The following TNFRSF9 variants were observed in gnomAD, a reference collection of about 807,000 sequenced individuals.
TNFRSF9 encodes tumor necrosis factor receptor superfamily member 9.
Under a neutral mutation model 28.8 loss-of-function variants are expected in TNFRSF9, and 16 were observed. That is an observed-to-expected ratio of 0.55 (90% CI 0.38 to 0.84). The LOEUF (loss-of-function observed/expected upper bound fraction) is 0.84, where lower values mean the gene tolerates loss of function less well. TNFRSF9 is among the 40% of genes least tolerant of loss of function. The pLI, the probability that TNFRSF9 is intolerant of heterozygous loss-of-function variation, is 0.00. For missense variants in TNFRSF9, 303 were observed against 315.0 expected, an observed-to-expected ratio of 0.96 and a Z score of 0.29; for synonymous variants, 131 against 117.0, an observed-to-expected ratio of 1.12 and a Z score of -0.77.
At chr1:7,931,685 A>C (rs955988282) in intron 7 of TNFRSF9, among the ~76,000 whole-genome samples, 2 of 152,238 alleles carry the variant, frequency 1.3e-5, no homozygotes, top group African/African-American at 4.8e-5. Context: ...GGCTTCGGGA[A>C]TGAGTTATGT....
chr1:7,925,680 G>A (rs929167945), intron 7 of TNFRSF9, among the ~76,000 whole-genome samples: 8 of 152,184 alleles, frequency 5.3e-5, no homozygotes, highest in African/African-American at 1.4e-4. Flanking sequence ...CCCATCTGGG[G>A]GTGATGGGGA....
At chr1:7,932,094 G>A (rs1477446090) in intron 7 of TNFRSF9, among the ~76,000 whole-genome samples, 1 of 152,064 alleles carries the variant, frequency 6.6e-6, no homozygotes, top group African/African-American at 2.4e-5. Context: ...CCGGGATCAC[G>A]CCATTGCACT....
Position 7,917,805 on chromosome 1 carries a change from G to T in TNFRSF9, c.*3030C>A, listed in dbSNP as rs1002671906. On this transcript the variant is annotated 3_prime_UTR_variant, in exon 8 of 8. Coordinates refer to ENST00000377507, the MANE Select transcript of TNFRSF9 (RefSeq NM_001561.6). ...TCATGTCTGCAATTCCAGCACTTTGGAAGGCTGAGGTGGGAGGATCACTTG... is the reference window on the plus strand; with the variant it reads ...TCATGTCTGCAATTCCAGCACTTTGTAAGGCTGAGGTGGGAGGATCACTTG... 1.3e-5 allele frequency: 2 copies of T among 151,872 alleles called. No individual in the cohort carries two copies. Among genetic ancestry groups the T allele is most frequent in the African/African-American group, 4.8e-5 (2 of 41,324 alleles). The allele number at this position is 151,872 out of a possible 1,614,324, so 9.4% of individuals were successfully genotyped here.
intron 7 of TNFRSF9, among the ~76,000 whole-genome samples, chr1:7,931,404 C>CAAT (rs1639729234): frequency 6.6e-6 from 1 of 152,172 alleles, no homozygotes; most frequent in East Asian, 1.9e-4. Context: ...AATAGGTGAA[C>CAAT]AATGATGTCA....
chr1:7,927,202 C>T (rs1639668187), intron 7 of TNFRSF9, among the ~76,000 whole-genome samples: 1 of 152,166 alleles, frequency 6.6e-6, no homozygotes, highest in African/African-American at 2.4e-5. Context: ...CACTGCCCTG[C>T]CACCAAAAAG....
chr1:7,929,899 T>C (rs960918593), intron 7 of TNFRSF9, among the ~76,000 whole-genome samples: 5 of 151,976 alleles, frequency 3.3e-5, no homozygotes, highest in Non-Finnish European at 7.4e-5. Flanking sequence ...GAGATGTTCC[T>C]GTCTTGGCAA....
intron 5 of TNFRSF9, chr1:7,936,707 T>C (rs1639821388): frequency 1.3e-5 from 2 of 152,096 alleles, no homozygotes; most frequent in South Asian, 4.1e-4. Context: ...AGTAAAATAA[T>C]AAAAATGATT....
At chr1:7,934,162 G>A (rs1639781220) in intron 6 of TNFRSF9, among the ~76,000 whole-genome samples, 1 of 152,260 alleles carries the variant, frequency 6.6e-6, no homozygotes, top group Non-Finnish European at 1.5e-5. Context: ...GATTGCTTGA[G>A]CCCAAGAGTT....
chr1:7,932,738 C>T (rs868389727), intron 7 of TNFRSF9, among the ~76,000 whole-genome samples: 1 of 139,002 alleles, frequency 7.2e-6, no homozygotes, highest in Non-Finnish European at 1.5e-5. Context: ...CACACATACA[C>T]ACACACACAC....
intron 7 of TNFRSF9, among the ~76,000 whole-genome samples, chr1:7,932,701 ACG>A (rs1039660019): frequency 2.0e-5 from 3 of 149,690 alleles, no homozygotes; most frequent in East Asian, 2.0e-4. Flanking sequence ...GCACACACAC[ACG>A]CACACACACA....
intron 7 of TNFRSF9, among the ~76,000 whole-genome samples, chr1:7,925,000 A>G (rs1270568222): frequency 6.6e-6 from 1 of 152,194 alleles, no homozygotes; most frequent in East Asian, 1.9e-4. Flanking sequence ...AAAAGAGTCA[A>G]AAAGTTAAAA....
Position 7,920,812 on chromosome 1 carries a change from C to T in TNFRSF9, c.*23G>A. 6.3e-7 allele frequency: 1 copy of T among 1,590,178 alleles called. No individual in the cohort carries two copies. The highest frequency in any genetic ancestry group is 8.6e-7 in the Non-Finnish European group (1 of 1,158,916). ...TCCTTGCTTCTTTTCAAGAAAGTCC[C>T]AACAGCCCTATTGACTTCCATTTCA... On this transcript the variant is annotated 3_prime_UTR_variant, in exon 8 of 8. Coordinates refer to ENST00000377507, the MANE Select transcript of TNFRSF9 (RefSeq NM_001561.6).
In TNFRSF9 at chr1:7,937,776, C is replaced by T. The variant is rs564756998; in HGVS notation, c.347-20G>A. ...TACAACCTTGTATTAAAAATGAAAG[C>T]AATAATAAAAGGGAAGCATTTTCAT... is the stretch of plus-strand genomic sequence containing the variant. On this transcript the variant is annotated intron_variant, in intron 4 of 7. Coordinates refer to ENST00000377507, the MANE Select transcript of TNFRSF9 (RefSeq NM_001561.6). 2 of 1,600,310 alleles carry T rather than the reference C, an allele frequency of 1.2e-6. No homozygotes were observed. Among genetic ancestry groups the T allele is most frequent in the African/African-American group, 2.7e-5 (2 of 74,770 alleles).
intron 7 of TNFRSF9, among the ~76,000 whole-genome samples, chr1:7,922,924 A>G (rs1233405473): frequency 7.1e-6 from 1 of 139,932 alleles, no homozygotes; most frequent in Non-Finnish European, 1.5e-5. Flanking sequence ...TTTTTTTGAG[A>G]TGGAGTCTCA....
In TNFRSF9 at chr1:7,916,545, C is replaced by T. The variant is rs541896274; in HGVS notation, c.*4290G>A. On this transcript the variant is annotated 3_prime_UTR_variant, in exon 8 of 8. Coordinates refer to ENST00000377507, the MANE Select transcript of TNFRSF9 (RefSeq NM_001561.6). ...CTCCATTATCTTGGATACCCCAACC[C>T]TGTGGGGCATGACCAGTCTCTTTCT... 1 of 152,326 alleles carries T rather than the reference C, an allele frequency of 6.6e-6. No homozygotes were observed. Among genetic ancestry groups the T allele is most frequent in the Non-Finnish European group, 1.5e-5 (1 of 68,044 alleles). The allele number at this position is 152,326 out of a possible 1,614,324, so 9.4% of individuals were successfully genotyped here.
chr1:7,934,430 G>A (rs928142277), intron 6 of TNFRSF9, among the ~76,000 whole-genome samples: 1 of 151,418 alleles, frequency 6.6e-6, no homozygotes, highest in African/African-American at 2.4e-5. Flanking sequence ...TGGGACCCTG[G>A]ACGGGCGTGG....
At chr1:7,929,132 C>T (rs370968266) in intron 7 of TNFRSF9, among the ~76,000 whole-genome samples, 1 of 150,128 alleles carries the variant, frequency 6.7e-6, no homozygotes, top group East Asian at 2.0e-4. Context: ...CATAACCCTC[C>T]TCAGTTTTTC....
chr1:7,929,157 C>CTTTTTTTTTTTTTTTTTTTTTTTTTT lies in TNFRSF9; in HGVS notation c.679+4004_679+4005insAAAAAAAAAAAAAAAAAAAAAAAAAA, dbSNP rs1491203940. ...CTCAGTTTTTCTTTTTTTTCTTTTTCCTTTTTTTTTTTTTTTTTTTTTGAG... is the reference window on the plus strand; with the variant it reads ...CTCAGTTTTTCTTTTTTTTCTTTTTCTTTTTTTTTTTTTTTTTTTTTTTTTTCTTTTTTTTTTTTTTTTTTTTTGAG... On this transcript the variant is annotated intron_variant, in intron 7 of 7. Transcript: ENST00000377507. Among the ~76,000 whole-genome samples the CTTTTTTTTTTTTTTTTTTTTTTTTTT allele has an allele frequency of 4.6e-5, 3 of 65,440 alleles. 1 individual carries two copies. Among genetic ancestry groups the CTTTTTTTTTTTTTTTTTTTTTTTTTT allele is most frequent in the African/African-American group, 7.7e-5 (2 of 25,870 alleles). 42.9% of individuals were successfully genotyped at this position (65,440 alleles called of 152,430 possible). A position where few individuals can be genotyped will look rare whatever the true frequency, so the allele number is the denominator to read the frequency against.
At chr1:7,936,041 C>T (rs183833084) in intron 5 of TNFRSF9, among the ~76,000 whole-genome samples, 1 of 152,278 alleles carries the variant, frequency 6.6e-6, no homozygotes, top group East Asian at 1.9e-4. Context: ...GCCCGTCCTC[C>T]AGAGCCCAGT....
Sources: gnomAD v4.1 joint callset for allele counts (sites outside exome capture counted in the v4.1 genomes callset) on GRCh38, gnomAD v4.1.1 for gene constraint, MANE v1.5 for transcripts, NCBI Gene and HGNC (gene_info 2026-07-23, HGNC 2026-07-21) for gene names.